Variants in CDC42BPB observed in about 807,000 individuals in gnomAD.
CDC42BPB encodes serine/threonine-protein kinase MRCK beta.
In CDC42BPB, 37 loss-of-function variants were observed where a neutral mutation model predicts 214.9. The ratio of observed to expected loss-of-function variants is 0.17; its 90% CI spans 0.13 to 0.23. The LOEUF (loss-of-function observed/expected upper bound fraction) is 0.23. CDC42BPB is among the 10% of genes least tolerant of loss of function. The pLI, the probability that CDC42BPB is intolerant of heterozygous loss-of-function variation, is 1.00. For synonymous variants in CDC42BPB, 931 were observed against 884.0 expected (o/e 1.05, Z -0.94); for missense variants, 1,694 against 2,227.0 (o/e 0.76, Z 4.82).
chr14:102,940,375 C>G, intron 30 of CDC42BPB, 51 bp from the exon 31 acceptor site: 1 of 1,548,796 alleles, frequency 6.5e-7, no homozygotes, highest in Middle Eastern at 1.8e-4. Context: ...CAGGAACTCA[C>G]CTGCCCTCGG....
chr14:103,028,212 A>AG (rs1887158422), intron 1 of CDC42BPB, among the ~76,000 whole-genome samples: 1 of 152,220 alleles, frequency 6.6e-6, no homozygotes, highest in African/African-American at 2.4e-5. Flanking sequence ...ACCACACATG[A>AG]GGGGGTCACA....
chr14:103,050,923 C>G (rs1034759288), intron 1 of CDC42BPB, among the ~76,000 whole-genome samples: 5 of 152,052 alleles, frequency 3.3e-5, no homozygotes, highest in African/African-American at 1.2e-4. Flanking sequence ...GAAATTATAT[C>G]ATTCCATTCA....
At chr14:102,982,323 G>A (rs1052454985) in intron 7 of CDC42BPB, among the ~76,000 whole-genome samples, 4 of 152,184 alleles carry the variant, frequency 2.6e-5, no homozygotes, top group South Asian at 2.1e-4. Context: ...GTGTTAATCT[G>A]CTCCCTGTGA....
rs1429625007 is a variant in CDC42BPB at position 102,959,638 on chromosome 14, G to T, written c.2894C>A (p.Thr965Lys). 2 of 1,596,452 alleles carry T rather than the reference G, an allele frequency of 1.3e-6. No homozygotes were observed. Among genetic ancestry groups the T allele is most frequent in the East Asian group, 2.2e-5 (1 of 44,772 alleles). ...AAAAAAACAATGACTTACTCTAAAT[G>T]TCAGGTCATGTGCAAGAGGAGCAGT... ...FNTAPLAHDLTFRTSSASEQE... is the reference protein window; with the variant it reads ...FNTAPLAHDLKFRTSSASEQE... The change falls in exon 21 of 37, where the codon ACA becomes AAA. Residue 965 changes from threonine to lysine, a missense_variant. Thr to Lys is a moderately conservative substitution (Grantham distance 78). Coordinates refer to ENST00000361246, the MANE Select transcript of CDC42BPB (RefSeq NM_006035.4).
chr14:102,979,698 CGAA>C (rs1418122040), intron 8 of CDC42BPB, among the ~76,000 whole-genome samples: 1 of 152,160 alleles, frequency 6.6e-6, no homozygotes, highest in Non-Finnish European at 1.5e-5. Flanking sequence ...TAATAAGCAA[CGAA>C]GAAGATTTTC....
At chr14:102,956,862 T>C (rs991612285) in intron 21 of CDC42BPB, among the ~76,000 whole-genome samples, 1 of 150,428 alleles carries the variant, frequency 6.6e-6, no homozygotes, top group African/African-American at 2.5e-5. Flanking sequence ...TTTTATGTTA[T>C]GTGTGCTTAT....
At chr14:103,019,180 C>T (rs906652838) in intron 1 of CDC42BPB, among the ~76,000 whole-genome samples, 3 of 152,114 alleles carry the variant, frequency 2.0e-5, no homozygotes, top group African/African-American at 2.4e-5. Context: ...GTGATCCTCC[C>T]GCCTTGGCCT....
Position 102,968,596 on chromosome 14 carries a change from C to G in CDC42BPB, c.2116G>C (p.Ala706Pro). ...FYEEELVRRE[A>P]SHVLEVKNVK... Reference sequence around the variant, plus strand: ...TTTTTCACTTCTAGCACATGGGAGGCCTCACGTCTGACCAATTCCTCTTCA... The same window carrying G: ...TTTTTCACTTCTAGCACATGGGAGGGCTCACGTCTGACCAATTCCTCTTCA... Residue 706 changes from alanine (A) to proline (P), a missense_variant, in exon 15 of 37, where the codon GCC becomes CCC. Physicochemically the swap from Ala to Pro is conservative, Grantham distance 27. Around this residue, in one of 7 missense-constraint regions of CDC42BPB, gnomAD observed 462 missense variants for 513.5 expected, o/e 0.90. Coordinates refer to ENST00000361246, the MANE Select transcript of CDC42BPB (RefSeq NM_006035.4). 3 of 1,614,220 alleles carry G rather than the reference C, an allele frequency of 1.9e-6. No individual in the cohort carries two copies. Among genetic ancestry groups the G allele is most frequent in the Non-Finnish European group, 2.5e-6 (3 of 1,180,052 alleles).
intron 1 of CDC42BPB, among the ~76,000 whole-genome samples, chr14:103,026,107 T>C (rs1397094822): frequency 6.6e-6 from 1 of 151,524 alleles, no homozygotes; most frequent in Non-Finnish European, 1.5e-5. Flanking sequence ...TACGAAACAC[T>C]TAAAACACGG....
chr14:102,943,928 C>A lies in CDC42BPB; in HGVS notation c.4371G>T (p.Ala1457=), dbSNP rs541329650. The change falls in exon 30 of 37, where the codon GCG becomes GCT. Residue 1457 remains alanine (A), a synonymous_variant. Transcript: ENST00000361246. This position sits in a 1 kb window ranked among gnomAD's most constrained non-coding sequence, Gnocchi z 4.6. ...YVDPQGRRAR[A]QELMWPAAPV... ...GAGCCGCAGGCCACATGAGCTCCTGCGCGCGTGCCCTCCGGCCTTGCGGGT... is the reference window on the plus strand; with the variant it reads ...GAGCCGCAGGCCACATGAGCTCCTGAGCGCGTGCCCTCCGGCCTTGCGGGT... 3.7e-6 allele frequency: 6 copies of A among 1,612,072 alleles called. No homozygotes were observed. Among genetic ancestry groups the A allele is most frequent in the Admixed American group, 3.3e-5 (2 of 59,956 alleles).
At chr14:103,046,167 C>T (rs1314069467) in intron 1 of CDC42BPB, among the ~76,000 whole-genome samples, 1 of 151,918 alleles carries the variant, frequency 6.6e-6, no homozygotes. Context: ...CCCCACCAGC[C>T]CTCCTCCACC....
intron 36 of CDC42BPB, among the ~76,000 whole-genome samples, chr14:102,936,559 A>G (rs1474252693): frequency 6.6e-6 from 1 of 152,210 alleles, no homozygotes; most frequent in Non-Finnish European, 1.5e-5. Flanking sequence ...CAGACAGGGA[A>G]ATCACAGGAA....
At chr14:102,965,016 C>T (rs1401335619) in intron 18 of CDC42BPB, among the ~76,000 whole-genome samples, 3 of 151,948 alleles carry the variant, frequency 2.0e-5, no homozygotes, top group African/African-American at 7.3e-5. Flanking sequence ...ACCTCCGCCT[C>T]TTGGGTTCAA....
At chr14:103,016,891 T>C (rs1229271771) in intron 1 of CDC42BPB, among the ~76,000 whole-genome samples, 2 of 152,210 alleles carry the variant, frequency 1.3e-5, no homozygotes, top group African/African-American at 4.8e-5. Context: ...CTAAAGACCA[T>C]TCTCCAACAT....
Position 102,999,556 on chromosome 14 carries a change from G to A in CDC42BPB, c.596+9C>T. On this transcript the variant is annotated intron_variant, in intron 5 of 36. Coordinates refer to ENST00000361246, the MANE Select transcript of CDC42BPB (RefSeq NM_006035.4). ...GTGGTTTCCATAAAATATATCAGAA[G>A]CCGGTTACCTGTGCACGTAATGAAG... The A allele has an allele frequency of 2.5e-6, 4 of 1,613,224 alleles. No individual in the cohort carries two copies. The highest frequency in any genetic ancestry group is 2.2e-5 in the East Asian group (1 of 44,868).
chr14:102,974,203 A>C, intron 11 of CDC42BPB, 54 bp from the exon 12 acceptor site: 2 of 1,588,334 alleles, frequency 1.3e-6, no homozygotes, highest in South Asian at 1.2e-5. Flanking sequence ...ACTATATGTA[A>C]ACTTTATGTT....
intron 1 of CDC42BPB, among the ~76,000 whole-genome samples, chr14:103,018,324 G>C (rs766548592): frequency 6.6e-6 from 1 of 152,150 alleles, no homozygotes; most frequent in Non-Finnish European, 1.5e-5. Context: ...GAGTTCTTCT[G>C]TTATTTGCAA....
At chr14:103,053,597 TA>T (rs1160749152) in intron 1 of CDC42BPB, among the ~76,000 whole-genome samples, 8 of 149,628 alleles carry the variant, frequency 5.3e-5, no homozygotes, top group Non-Finnish European at 1.2e-4. Flanking sequence ...CCGTCTCTAC[TA>T]AAAATACAAA....
At position 102,947,567 on chromosome 14, in the gene CDC42BPB, G is replaced by C. The variant is rs182407894; in HGVS notation, c.3531+154C>G. 3.3e-4 allele frequency among the ~76,000 whole-genome samples: 50 copies of C among 152,276 alleles called. No homozygotes were observed. In the East Asian group the frequency reaches 9.7e-3, roughly 29 times the overall value. ...ACGGGCACAGGCTGCTACTTGGCCA[G>C]GACGGGACGCACAAGGACCTGGAGC... On this transcript the variant is annotated intron_variant, in intron 27 of 36. Coordinates refer to ENST00000361246, the MANE Select transcript of CDC42BPB (RefSeq NM_006035.4).
Sources: gnomAD v4.1 joint callset for allele counts (sites outside exome capture counted in the v4.1 genomes callset) on GRCh38, gnomAD v4.1.1 for gene constraint, gnomAD v4.1.1 regional missense constraint, Gnocchi (gnomAD v3.1) non-coding constraint, MANE v1.5 for transcripts, NCBI Gene and HGNC (gene_info 2026-07-23, HGNC 2026-07-21) for gene names.